Variants in CYP27B1 observed in about 807,000 individuals in gnomAD.
CYP27B1 encodes the protein 25-hydroxyvitamin D-1 alpha hydroxylase, mitochondrial.
Under a neutral mutation model 54.8 loss-of-function variants are expected in CYP27B1, and 46 were observed. The observed-to-expected ratio is 0.84, with a 90% CI of 0.66 to 1.07. The LOEUF is 1.07. CYP27B1 is among the 50% of genes least tolerant of loss of function. The probability of loss-of-function intolerance (pLI) is 0.00; values close to 1 mark genes in which losing one functional copy is unlikely to be tolerated. For synonymous variants in CYP27B1, 292 were observed against 297.3 expected (o/e 0.98, Z 0.18); for missense variants, 674 against 692.2 (o/e 0.97, Z 0.30).
In CYP27B1 at chr12:57,762,487, A is replaced by G. The variant is rs1047723954; in HGVS notation, c.*655T>C. ...ACCCACTTAATAGTGGCCAGAGAGC[A>G]AAGGAGAGTTATAAGAAACCGTAAA... is the stretch of plus-strand genomic sequence containing the variant. On this transcript the variant is annotated 3_prime_UTR_variant, in exon 9 of 9. Transcript: ENST00000228606. The G allele has an allele frequency of 2.5e-5, 4 of 156,978 alleles. No homozygotes were observed. Among genetic ancestry groups the G allele is most frequent in the Non-Finnish European group, 1.4e-5 (1 of 70,694 alleles). The allele number at this position is 156,978 out of a possible 1,614,324, so 9.7% of individuals were successfully genotyped here.
At chr12:57,766,576 TC>T in intron 1 of CYP27B1, 1 of 579,856 alleles carries the variant, frequency 1.7e-6, no homozygotes, top group Non-Finnish European at 3.1e-6. Flanking sequence ...CACTCCGGCC[TC>T]CCCCTCCCGC....
At chr12:57,764,201 G>C (rs1169282266) in intron 6 of CYP27B1, 25 bp from the exon 7 acceptor site, 2 of 1,600,002 alleles carry the variant, frequency 1.3e-6, no homozygotes, top group African/African-American at 2.7e-5. Flanking sequence ...ACAAAATGGA[G>C]ACAACAAGAT....
In CYP27B1 at chr12:57,763,707, G is replaced by A. The variant is rs778903870; in HGVS notation, c.1317C>T (p.Thr439=). 6.3e-7 allele frequency: 1 copy of A among 1,589,090 alleles called. No homozygotes were observed. The highest frequency in any genetic ancestry group is 8.6e-7 in the Non-Finnish European group (1 of 1,157,346). ...RPARWLGEGP[T]PHPFASLPFG... is the part of the protein sequence containing the mutation. ...AGGGAAGAGATGCAAATGGGTGGGG[G>A]GTGGGACCCTCCCCCAGCCAGCGAG... is the stretch of plus-strand genomic sequence containing the variant. Residue 439 remains threonine (T), a synonymous_variant, in exon 8 of 9, where the codon ACC becomes ACT. Transcript: ENST00000228606.
In CYP27B1 at chr12:57,765,915, C is replaced by T. The variant is rs1251481279; in HGVS notation, c.386+92G>A. On this transcript the variant is annotated intron_variant, in intron 2 of 8. Coordinates refer to ENST00000228606, the MANE Select transcript of CYP27B1 (RefSeq NM_000785.4). This position sits in a 1 kb window ranked among gnomAD's most constrained non-coding sequence, Gnocchi z 5.8. ...AATGGTAGAGTGGGACAGCCGACCTCCCACCATGCCCCCAGATTGATAGTT... is the reference window on the plus strand; with the variant it reads ...AATGGTAGAGTGGGACAGCCGACCTTCCACCATGCCCCCAGATTGATAGTT... The T allele has an allele frequency of 6.9e-7, 1 of 1,450,004 alleles. No individual in the cohort carries two copies. The highest frequency in any genetic ancestry group is 1.4e-5 in the South Asian group (1 of 70,608). 89.8% of individuals were successfully genotyped at this position (1,450,004 alleles called of 1,614,324 possible).
At position 57,764,747 on chromosome 12, in the gene CYP27B1, A is replaced by T; in HGVS notation, c.963+7T>A. On this transcript the variant is annotated splice_region_variant and intron_variant, in intron 5 of 8. Transcript: ENST00000228606. Reference sequence around the variant, plus strand: ...AACCGGCTCACAGCACGGAGGGAGAACCTCACCGTGTCCACTCCCGCCAAT... The same window carrying T: ...AACCGGCTCACAGCACGGAGGGAGATCCTCACCGTGTCCACTCCCGCCAAT... 6.2e-7 allele frequency: 1 copy of T among 1,613,520 alleles called. No homozygotes were observed. The highest frequency in any genetic ancestry group is 8.5e-7 in the Non-Finnish European group (1 of 1,179,842).
intron 1 of CYP27B1, 87 bp from the exon 2 acceptor site, chr12:57,766,284 C>T: frequency 2.1e-6 from 3 of 1,426,736 alleles, no homozygotes; most frequent in Non-Finnish European, 2.8e-6. Flanking sequence ...GTTGACTGGG[C>T]TTGGGAATAG....
In CYP27B1 at chr12:57,765,968, T is replaced by TGCA; in HGVS notation, c.386+36_386+38dup. ...GGGACCCGCAGCAGGAGAGGGCCGCTGCAGGGCGTCTGGGCTTCTGGGGGC... is the reference window on the plus strand; with the variant it reads ...GGGACCCGCAGCAGGAGAGGGCCGCTGCAGCAGGGCGTCTGGGCTTCTGGGGGC... On this transcript the variant is annotated intron_variant, in intron 2 of 8. Coordinates refer to ENST00000228606, the MANE Select transcript of CYP27B1 (RefSeq NM_000785.4). This position sits in a 1 kb window ranked among gnomAD's most constrained non-coding sequence, Gnocchi z 5.8. 1 of 1,512,598 alleles carries TGCA rather than the reference T, an allele frequency of 6.6e-7. No homozygotes were observed. The highest frequency in any genetic ancestry group is 8.8e-7 in the Non-Finnish European group (1 of 1,131,992). 93.7% of individuals were successfully genotyped at this position (1,512,598 alleles called of 1,614,324 possible). A position where few individuals can be genotyped will look rare whatever the true frequency, so the allele number is the denominator to read the frequency against.
Position 57,762,741 on chromosome 12 carries a change from G to C in CYP27B1, c.*401C>G, listed in dbSNP as rs1319212816. ...ACATGCAAAGACGAAGGACCAACCAGGTACAGACCAGATGCACAGTTACTG... is the reference window on the plus strand; with the variant it reads ...ACATGCAAAGACGAAGGACCAACCACGTACAGACCAGATGCACAGTTACTG... On this transcript the variant is annotated 3_prime_UTR_variant, in exon 9 of 9. Transcript: ENST00000228606. The C allele has an allele frequency of 6.4e-6, 2 of 314,916 alleles. No individual in the cohort carries two copies. Among genetic ancestry groups the C allele is most frequent in the Non-Finnish European group, 6.3e-6 (1 of 159,732 alleles). The allele number at this position is 314,916 out of a possible 1,614,324, so 19.5% of individuals were successfully genotyped here.
In CYP27B1 at chr12:57,764,393, A is replaced by G. The variant is rs2229103; in HGVS notation, c.1121T>C (p.Val374Ala). Residue 374 changes from valine to alanine, a missense_variant, in exon 6 of 9, where the codon GTC (valine) becomes GCC (alanine). Transcript: ENST00000228606. ...LSQLPLLKAV[V>A]KEVLRLYPVV... is the part of the protein sequence containing the mutation. ...TCCCCCTCACCTTAGCACTTCCTTGACCACCGCCTTCAGCAGGGGCAGCTG... is the reference window on the plus strand; with the variant it reads ...TCCCCCTCACCTTAGCACTTCCTTGGCCACCGCCTTCAGCAGGGGCAGCTG... 12 of 1,613,928 alleles carry G rather than the reference A, an allele frequency of 7.4e-6. No homozygotes were observed. In the Admixed American group the frequency reaches 1.2e-4, roughly 16 times the overall value.
Position 57,765,928 on chromosome 12 carries a change from C to G in CYP27B1, c.386+79G>C. The G allele has an allele frequency of 6.8e-7, 1 of 1,463,988 alleles. No individual in the cohort carries two copies. 90.7% of individuals were successfully genotyped at this position (1,463,988 alleles called of 1,614,324 possible). A position where few individuals can be genotyped will look rare whatever the true frequency, so the allele number is the denominator to read the frequency against. On this transcript the variant is annotated intron_variant, in intron 2 of 8. Transcript: ENST00000228606. The surrounding 1 kb of genome is among the most constrained non-coding windows in gnomAD (Gnocchi z 5.8). The stretch of plus-strand genomic sequence containing the variant: ...GACAGCCGACCTCCCACCATGCCCC[C>G]AGATTGATAGTTTCGGGACCCGCAG...
In CYP27B1 at chr12:57,763,710, G is replaced by A; in HGVS notation, c.1314C>T (p.Pro438=). The A allele has an allele frequency of 6.3e-7, 1 of 1,574,948 alleles. No individual in the cohort carries two copies. The highest frequency in any genetic ancestry group is 1.7e-5 in the Admixed American group (1 of 59,968). Reference sequence around the variant, plus strand: ...GAAGAGATGCAAATGGGTGGGGGGTGGGACCCTCCCCCAGCCAGCGAGCTG... The same window carrying A: ...GAAGAGATGCAAATGGGTGGGGGGTAGGACCCTCCCCCAGCCAGCGAGCTG... The part of the protein sequence containing the change: ...FRPARWLGEG[P]TPHPFASLPF... Residue 438 remains proline (P), a synonymous_variant, in exon 8 of 9, where the codon CCC becomes CCT. Coordinates refer to ENST00000228606, the MANE Select transcript of CYP27B1 (RefSeq NM_000785.4).
rs762550487 is a variant in CYP27B1 at position 57,763,648 on chromosome 12, C to G, written c.1376G>C (p.Arg459Pro). The G allele has an allele frequency of 1.2e-6, 2 of 1,613,962 alleles. No individual in the cohort carries two copies. The highest frequency in any genetic ancestry group is 1.7e-6 in the Non-Finnish European group (2 of 1,179,982). ...GFGKRSCMGR[R>P]LAELELQMAL... ...CATTTGCAATTCAAGCTCTGCCAGG[C>G]GTCTCCCCATACAGCTGCGCTTGCC... is the stretch of plus-strand genomic sequence containing the variant. Residue 459 changes from arginine to proline, a missense_variant, in exon 8 of 9, where the codon CGC becomes CCC. Arg to Pro is a moderately radical substitution (Grantham distance 103). Coordinates refer to ENST00000228606, the MANE Select transcript of CYP27B1 (RefSeq NM_000785.4).
intron 6 of CYP27B1, 66 bp from the exon 7 acceptor site, chr12:57,764,242 GTT>G (rs1955340514): frequency 6.4e-7 from 1 of 1,565,874 alleles, no homozygotes; most frequent in South Asian, 1.1e-5. Context: ...CCTTCTCATT[GTT>G]TCCAACTTCC....
Position 57,765,960 on chromosome 12 carries a change from A to C in CYP27B1, c.386+47T>G, listed in dbSNP as rs1955356503. On this transcript the variant is annotated intron_variant, in intron 2 of 8. Transcript: ENST00000228606. This position sits in a 1 kb window ranked among gnomAD's most constrained non-coding sequence, Gnocchi z 5.8. ...ATAGTTTCGGGACCCGCAGCAGGAG[A>C]GGGCCGCTGCAGGGCGTCTGGGCTT... 4 of 1,498,660 alleles carry C rather than the reference A, an allele frequency of 2.7e-6. No homozygotes were observed. The highest frequency in any genetic ancestry group is 3.6e-6 in the Non-Finnish European group (4 of 1,124,968). The allele number at this position is 1,498,660 out of a possible 1,614,324, so 92.8% of individuals were successfully genotyped here. A position where few individuals can be genotyped will look rare whatever the true frequency, so the allele number is the denominator to read the frequency against.
Position 57,766,124 on chromosome 12 carries a change from G to A in CYP27B1, c.269C>T (p.Ala90Val), listed in dbSNP as rs1442728120. ...CAGCAGCTCCTCGACGAGTGCAGGG[G>A]CAGCCACGTACACGGTGCGCACTGT... ...FGTVRTVYVAAPALVEELLRQ... is the reference protein window; with the variant it reads ...FGTVRTVYVAVPALVEELLRQ... Residue 90 changes from alanine (A) to valine (V), a missense_variant, in exon 2 of 9, where the codon GCC becomes GTC. By Grantham distance (64) the Ala-to-Val change is moderately conservative. Transcript: ENST00000228606. 1.3e-6 allele frequency: 2 copies of A among 1,546,016 alleles called. No homozygotes were observed. Among genetic ancestry groups the A allele is most frequent in the African/African-American group, 2.7e-5 (2 of 73,296 alleles).
rs977891042 is a variant in CYP27B1, at chr12:57,764,361, C to T, written c.1136+17G>A. The T allele has an allele frequency of 5.2e-5, 84 of 1,614,014 alleles. No individual in the cohort carries two copies. Among genetic ancestry groups the T allele is most frequent in the Non-Finnish European group, 6.8e-5 (80 of 1,179,970 alleles). On this transcript the variant is annotated intron_variant, in intron 6 of 8. Coordinates refer to ENST00000228606, the MANE Select transcript of CYP27B1 (RefSeq NM_000785.4). The stretch of plus-strand genomic sequence containing the variant: ...TCCTTGGCATTTCCTCTTGTTCCTC[C>T]TCTCCTTCCCCCTCACCTTAGCACT...
Position 57,765,297 on chromosome 12 carries a change from C to T in CYP27B1, c.589G>A (p.Gly197Ser). Residue 197 changes from glycine (G) to serine (S), a missense_variant and splice_region_variant, in exon 3 of 9, where the codon GGC becomes AGC. Transcript: ENST00000228606. The surrounding 1 kb of genome is among the most constrained non-coding windows in gnomAD (Gnocchi z 5.8). ...AGEFYKFGLE[G>S]IAAVLLGSRL... is the part of the protein sequence containing the mutation. ...TGCCCAGCTCTGTCCTGGGACTCAC[C>T]TTCCAGTCCGAACTTGTAAAATTCC... 1 of 1,612,922 alleles carries T rather than the reference C, an allele frequency of 6.2e-7. No individual in the cohort carries two copies.
rs577603625 is a variant in CYP27B1 at position 57,765,498 on chromosome 12, C to G, written c.388G>C (p.Glu130Gln). 1 of 1,609,476 alleles carries G rather than the reference C, an allele frequency of 6.2e-7. No individual in the cohort carries two copies. The highest frequency in any genetic ancestry group is 1.3e-5 in the African/African-American group (1 of 75,038). ...RQRACGLLTAEGEEWQRLRSL... is the reference protein window; with the variant it reads ...RQRACGLLTAQGEEWQRLRSL... ...CGGAGCCTTTGCCATTCTTCGCCTT[C>G]CCTGCAGGGTTGAGGAGAGAGTGCG... Residue 130 changes from glutamate to glutamine, a missense_variant and splice_region_variant, in exon 3 of 9, where the codon GAA becomes CAA. Glu to Gln is a conservative substitution (Grantham distance 29). Transcript: ENST00000228606. The surrounding 1 kb of genome is among the most constrained non-coding windows in gnomAD (Gnocchi z 5.8).
chr12:57,766,821 G>A, intron 1 of CYP27B1, 26 bp downstream of exon 1: 1 of 1,611,866 alleles, frequency 6.2e-7, no homozygotes, highest in Non-Finnish European at 8.5e-7. Context: ...CCAGCACTCT[G>A]TCTCGGGAAA....
Sources: gnomAD v4.1 joint callset for allele counts on GRCh38, gnomAD v4.1.1 for gene constraint, Gnocchi (gnomAD v3.1) non-coding constraint, MANE v1.5 for transcripts, NCBI Gene and HGNC (gene_info 2026-07-23, HGNC 2026-07-21) for gene names.